LDLRAD2: variants seen among roughly 807,000 people sequenced by gnomAD.
The protein encoded by LDLRAD2 is low density lipoprotein receptor class A domain containing 2, also known as low-density lipoprotein receptor class A domain-containing protein 2.
In LDLRAD2, 25 loss-of-function variants were observed where a neutral mutation model predicts 24.9. The observed-to-expected ratio is 1.00, with a 90% CI of 0.73 to 1.40. The LOEUF is 1.40. Ranked by LOEUF, LDLRAD2 falls within the 40% of genes most tolerant of loss-of-function variation. The pLI, the probability that LDLRAD2 is intolerant of heterozygous loss-of-function variation, is 0.00. For missense variants in LDLRAD2, 391 were observed against 366.2 expected (o/e 1.07, Z -0.55); for synonymous variants, 182 against 166.7 (o/e 1.09, Z -0.71).
chr1:21,824,371 C>T lies in LDLRAD2; in HGVS notation c.*2156C>T, dbSNP rs1246874601. The T allele has an allele frequency of 6.2e-7, 1 of 1,613,870 alleles. No individual in the cohort carries two copies. The highest frequency in any genetic ancestry group is 1.7e-5 in the Admixed American group (1 of 60,030). On this transcript the variant is annotated 3_prime_UTR_variant, in exon 5 of 5. Coordinates refer to ENST00000344642, the MANE Select transcript of LDLRAD2 (RefSeq NM_001013693.3). This position sits in a 1 kb window ranked among gnomAD's most constrained non-coding sequence, Gnocchi z 5.9. ...AGTCCTTGCCTTGGCCGGCCTCTCC[C>T]ACCTCCTGCCAGGGAAGCACAGGGT...
intron 3 of LDLRAD2, among the ~76,000 whole-genome samples, chr1:21,817,127 ACCAAG>A (rs1270586704): frequency 6.6e-6 from 1 of 151,976 alleles, no homozygotes; most frequent in Non-Finnish European, 1.5e-5. Flanking sequence ...ATAACCCATA[ACCAAG>A]CCAGTGACAA....
rs1177370294 is a variant in LDLRAD2 at position 21,824,065 on chromosome 1, C to T, written c.*1850C>T. The T allele has an allele frequency of 2.0e-6, 3 of 1,478,218 alleles. No homozygotes were observed. The highest frequency in any genetic ancestry group is 2.8e-6 in the Non-Finnish European group (3 of 1,068,478). 91.6% of individuals were successfully genotyped at this position (1,478,218 alleles called of 1,614,324 possible). A position where few individuals can be genotyped will look rare whatever the true frequency, so the allele number is the denominator to read the frequency against. ...CCTCTCTGCCCATGGTAGGGGGCGTCCTGCCCCACTCCAGAACGCTGGGCC... is the reference window on the plus strand; with the variant it reads ...CCTCTCTGCCCATGGTAGGGGGCGTTCTGCCCCACTCCAGAACGCTGGGCC... On this transcript the variant is annotated 3_prime_UTR_variant, in exon 5 of 5. Coordinates refer to ENST00000344642, the MANE Select transcript of LDLRAD2 (RefSeq NM_001013693.3). The surrounding 1 kb of genome is among the most constrained non-coding windows in gnomAD (Gnocchi z 5.9).
In LDLRAD2 at chr1:21,821,580, G is replaced by A. The variant is rs751767989; in HGVS notation, c.774G>A (p.Arg258=). The change falls in exon 4 of 5, where the codon AGG becomes AGA. Residue 258 remains arginine, a synonymous_variant. Coordinates refer to ENST00000344642, the MANE Select transcript of LDLRAD2 (RefSeq NM_001013693.3). ...CTGAGAGGAGTTCCCCAGCAGGCAG[G>A]GACCCCACGAGACAAGACGCAGCTT... ...IAAERSSPAG[R]DPTRQDAALE... 4 of 1,613,902 alleles carry A rather than the reference G, an allele frequency of 2.5e-6. No individual in the cohort carries two copies. The highest frequency in any genetic ancestry group is 1.7e-5 in the Admixed American group (1 of 59,990).
At chr1:21,820,217 C>T (rs1035354401) in intron 3 of LDLRAD2, among the ~76,000 whole-genome samples, 2 of 152,188 alleles carry the variant, frequency 1.3e-5, no homozygotes, top group Admixed American at 6.5e-5. Context: ...AAATGGTAAA[C>T]GTTATGTGCT....
In LDLRAD2 at chr1:21,822,723, G is replaced by A. The variant is rs575020789; in HGVS notation, c.*508G>A. On this transcript the variant is annotated 3_prime_UTR_variant, in exon 5 of 5. Coordinates refer to ENST00000344642, the MANE Select transcript of LDLRAD2 (RefSeq NM_001013693.3). ...AATGCAGGCCAGGAGGACGTGGTAG[G>A]AGGGGGAGTCTGCCAGAGGAGGTGC... 1.3e-3 allele frequency: 216 copies of A among 165,528 alleles called. 3 individuals carry two copies. The highest frequency in any genetic ancestry group is 0.012 in the East Asian group (70 of 5,658). 10.3% of individuals were successfully genotyped at this position (165,528 alleles called of 1,614,324 possible).
At position 21,816,157 on chromosome 1, in the gene LDLRAD2, C is replaced by T. The variant is rs41311991; in HGVS notation, c.643+83C>T. 3,098 of 1,537,586 alleles carry T rather than the reference C, an allele frequency of 2.0e-3. 6 individuals are homozygous for T. Among genetic ancestry groups the T allele is most frequent in the Non-Finnish European group, 2.5e-3 (2,825 of 1,138,994 alleles). ...ACTCCCCTTCCCTAGGGCAGGGCCC[C>T]GATGGGGAGGCAGGAGAGAGGAAAG... On this transcript the variant is annotated intron_variant, in intron 3 of 4. Transcript: ENST00000344642.
At position 21,823,768 on chromosome 1, in the gene LDLRAD2, C is replaced by T; in HGVS notation, c.*1553C>T. On this transcript the variant is annotated 3_prime_UTR_variant, in exon 5 of 5. Transcript: ENST00000344642. The stretch of plus-strand genomic sequence containing the variant: ...CCTTTCCACAAACTTCCTGGTCCTC[C>T]CCGGCCCCACGACAGAGTCCCCTCC... 2.1e-6 allele frequency: 3 copies of T among 1,433,270 alleles called. No individual in the cohort carries two copies. The allele number at this position is 1,433,270 out of a possible 1,614,324, so 88.8% of individuals were successfully genotyped here. A position where few individuals can be genotyped will look rare whatever the true frequency, so the allele number is the denominator to read the frequency against.
At chr1:21,819,650 G>A (rs2097948129) in intron 3 of LDLRAD2, among the ~76,000 whole-genome samples, 3 of 151,558 alleles carry the variant, frequency 2.0e-5, no homozygotes. Flanking sequence ...GGACAAGGAG[G>A]ATATGGAGTT....
intron 2 of LDLRAD2, 41 bp downstream of exon 2, chr1:21,814,864 G>A: frequency 7.0e-7 from 1 of 1,438,098 alleles, no homozygotes; most frequent in Non-Finnish European, 9.1e-7. Context: ...CCTCTGCAGA[G>A]GCCATGCGGG....
chr1:21,823,486 C>T lies in LDLRAD2; in HGVS notation c.*1271C>T, dbSNP rs550270875. 4.4e-5 allele frequency: 70 copies of T among 1,602,000 alleles called. No individual in the cohort carries two copies. Among genetic ancestry groups the T allele is most frequent in the South Asian group, 5.5e-5 (5 of 90,446 alleles). On this transcript the variant is annotated 3_prime_UTR_variant, in exon 5 of 5. Coordinates refer to ENST00000344642, the MANE Select transcript of LDLRAD2 (RefSeq NM_001013693.3). ...GTCAGCGTGGCCACGTCAGGGGCTCCGCCTGCCGGGAGGTGAGAGGACAGG... is the reference window on the plus strand; with the variant it reads ...GTCAGCGTGGCCACGTCAGGGGCTCTGCCTGCCGGGAGGTGAGAGGACAGG...
At position 21,823,625 on chromosome 1, in the gene LDLRAD2, C is replaced by A. The variant is rs1138469; in HGVS notation, c.*1410C>A. 6.2e-7 allele frequency: 1 copy of A among 1,613,648 alleles called. No homozygotes were observed. The highest frequency in any genetic ancestry group is 8.5e-7 in the Non-Finnish European group (1 of 1,179,798). ...GGAGCCCCAGACTTACCGATGTAGACGCTGCCCTTGGCGTTGACTGCCACG... is the reference window on the plus strand; with the variant it reads ...GGAGCCCCAGACTTACCGATGTAGAAGCTGCCCTTGGCGTTGACTGCCACG... On this transcript the variant is annotated 3_prime_UTR_variant, in exon 5 of 5. Coordinates refer to ENST00000344642, the MANE Select transcript of LDLRAD2 (RefSeq NM_001013693.3).
At chr1:21,821,326 CCT>C in intron 3 of LDLRAD2, 122 bp from the exon 4 acceptor site, 1 of 1,295,930 alleles carries the variant, frequency 7.7e-7, no homozygotes, top group Non-Finnish European at 1.1e-6. Context: ...CAAGTGACAA[CCT>C]CTCTGTAAAA....
In LDLRAD2 at chr1:21,812,377, T is replaced by G; in HGVS notation, c.-75T>G. 3 of 1,215,882 alleles carry G rather than the reference T, an allele frequency of 2.5e-6. No homozygotes were observed. Among genetic ancestry groups the G allele is most frequent in the Non-Finnish European group, 3.6e-6 (3 of 826,716 alleles). 75.3% of individuals were successfully genotyped at this position (1,215,882 alleles called of 1,614,324 possible). A position where few individuals can be genotyped will look rare whatever the true frequency, so the allele number is the denominator to read the frequency against. ...TCCCTGCTGGCCTGACCAGGCCCCA[T>G]ACTCCAGTCTCCCCAGAGACCCCAA... On this transcript the variant is annotated 5_prime_UTR_variant, in exon 1 of 5. Coordinates refer to ENST00000344642, the MANE Select transcript of LDLRAD2 (RefSeq NM_001013693.3).
chr1:21,815,014 C>T (rs984058365), intron 2 of LDLRAD2, among the ~76,000 whole-genome samples, 191 bp downstream of exon 2: 1 of 152,240 alleles, frequency 6.6e-6, no homozygotes, highest in African/African-American at 2.4e-5. Context: ...CAATAAGGGA[C>T]CTCCCGGATC....
In LDLRAD2 at chr1:21,821,529, G is replaced by T. The variant is rs765128140; in HGVS notation, c.723G>T (p.Gly241=). The T allele has an allele frequency of 4.3e-6, 7 of 1,614,108 alleles. No homozygotes were observed. The highest frequency in any genetic ancestry group is 5.1e-6 in the Non-Finnish European group (6 of 1,180,020). ...CCCTGACTCCCTCCCCAGCTCTCGG[G>T]TCTGCAGGATCCCTCTGGATTGCAG... ...SRSLTPSPAL[G]SAGSLWIAAE... Residue 241 remains glycine (G), a synonymous_variant, in exon 4 of 5, where the codon GGG becomes GGT. Coordinates refer to ENST00000344642, the MANE Select transcript of LDLRAD2 (RefSeq NM_001013693.3).
At position 21,824,447 on chromosome 1, in the gene LDLRAD2, T is replaced by C. The variant is rs989977344; in HGVS notation, c.*2232T>C. 1.2e-6 allele frequency: 2 copies of C among 1,600,120 alleles called. No homozygotes were observed. The highest frequency in any genetic ancestry group is 1.3e-5 in the African/African-American group (1 of 74,676). ...AGAGGCTGCCGAGGCCAGGGGGCTC[T>C]GCTTTCCCCTCCCCCCACCACTCCG... On this transcript the variant is annotated 3_prime_UTR_variant, in exon 5 of 5. Transcript: ENST00000344642. This position sits in a 1 kb window ranked among gnomAD's most constrained non-coding sequence, Gnocchi z 5.9.
chr1:21,814,702 G>A lies in LDLRAD2; in HGVS notation c.390G>A (p.Leu130=). ...PGAPRPLGSP[L]CGLNIPVPVA... is the part of the protein sequence containing the mutation. ...CGCCCCGGCCCCTGGGGTCCCCACTGTGCGGCCTGAACATCCCGGTGCCTG... is the reference window on the plus strand; with the variant it reads ...CGCCCCGGCCCCTGGGGTCCCCACTATGCGGCCTGAACATCCCGGTGCCTG... Residue 130 remains leucine (L), a synonymous_variant, in exon 2 of 5, where the codon CTG becomes CTA. Transcript: ENST00000344642. 1 of 1,567,888 alleles carries A rather than the reference G, an allele frequency of 6.4e-7. No homozygotes were observed. The highest frequency in any genetic ancestry group is 8.6e-7 in the Non-Finnish European group (1 of 1,157,602).
intron 4 of LDLRAD2, 197 bp from the exon 5 acceptor site, chr1:21,822,005 T>C: frequency 7.0e-7 from 1 of 1,433,348 alleles, no homozygotes; most frequent in Non-Finnish European, 9.1e-7. Flanking sequence ...GGCTCTGGGG[T>C]CAGACTCTTT....
chr1:21,820,602 A>G (rs1410768822), intron 3 of LDLRAD2, among the ~76,000 whole-genome samples: 2 of 152,058 alleles, frequency 1.3e-5, no homozygotes, highest in Non-Finnish European at 2.9e-5. Context: ...TCTCACTAGC[A>G]TCTATCTCCT....
Sources: allele counts gnomAD v4.1 joint callset (sites outside exome capture counted in the v4.1 genomes callset), GRCh38; gene constraint gnomAD v4.1.1; non-coding constraint Gnocchi (gnomAD v3.1); transcripts MANE v1.5; gene names NCBI Gene and HGNC (gene_info 2026-07-23, HGNC 2026-07-21).